CIB2: variants seen among roughly 807,000 people sequenced by gnomAD.
CIB2 encodes calcium and integrin-binding family member 2.
Under a neutral mutation model 23.1 loss-of-function variants are expected in CIB2, and 19 were observed. The ratio of observed to expected loss-of-function variants is 0.82; its 90% CI spans 0.57 to 1.21. The LOEUF (loss-of-function observed/expected upper bound fraction) is 1.21, where lower values mean the gene tolerates loss of function less well. Among genes scored for constraint, CIB2 ranks in the 50% most tolerant of loss-of-function variants. The pLI is 0.00. For synonymous variants in CIB2, 94 were observed against 91.7 expected, an observed-to-expected ratio of 1.03 and a Z score of -0.14; for missense variants, 220 against 241.5, an observed-to-expected ratio of 0.91 and a Z score of 0.59.
At chr15:78,119,137 TAA>T (rs77407973) in intron 2 of CIB2, among the ~76,000 whole-genome samples, 27 of 139,012 alleles carry the variant, frequency 1.9e-4, no homozygotes, top group Non-Finnish European at 1.3e-4. Flanking sequence ...ACACAGACTT[TAA>T]AAAAAAAAAA....
intron 2 of CIB2, among the ~76,000 whole-genome samples, chr15:78,116,600 A>T: frequency 6.6e-6 from 1 of 152,176 alleles, no homozygotes; most frequent in Non-Finnish European, 1.5e-5. Flanking sequence ...TATCCCCCAC[A>T]GATACTGAGA....
chr15:78,131,065 G>T lies in CIB2; in HGVS notation c.51+100C>A. The T allele has an allele frequency of 9.2e-7, 1 of 1,087,892 alleles. No homozygotes were observed. Among genetic ancestry groups the T allele is most frequent in the Non-Finnish European group, 1.3e-6 (1 of 768,894 alleles). The allele number at this position is 1,087,892 out of a possible 1,614,324, so 67.4% of individuals were successfully genotyped here. On this transcript the variant is annotated intron_variant, in intron 1 of 5. Transcript: ENST00000258930. The surrounding 1 kb of genome is among the most constrained non-coding windows in gnomAD (Gnocchi z 5.8). ...GAAGGCAGAGGCAGGGTTTGAACCT[G>T]GGAGAGCTGGCTCTCGGGAGGCCTC...
At chr15:78,123,582 G>A (rs565294490) in intron 2 of CIB2, 123 bp downstream of exon 2, 2 of 999,814 alleles carry the variant, frequency 2.0e-6, no homozygotes, top group Non-Finnish European at 3.2e-6. Context: ...CCTGAATGTG[G>A]CTCCTGATAC....
At position 78,104,969 on chromosome 15, in the gene CIB2, G is replaced by C. The variant is rs937722624; in HGVS notation, c.*342C>G. On this transcript the variant is annotated 3_prime_UTR_variant, in exon 6 of 6. Coordinates refer to ENST00000258930, the MANE Select transcript of CIB2 (RefSeq NM_006383.4). The surrounding 1 kb of genome is among the most constrained non-coding windows in gnomAD (Gnocchi z 4.4). ...TGTCTGCCAGCACTTGGACACGTCA[G>C]ACCCCACCACCTCCTGTTGGGTTAT... The C allele has an allele frequency of 5.8e-6, 2 of 345,166 alleles. No homozygotes were observed. The highest frequency in any genetic ancestry group is 1.1e-5 in the Non-Finnish European group (2 of 180,622). The allele number at this position is 345,166 out of a possible 1,614,324, so 21.4% of individuals were successfully genotyped here.
At position 78,105,339 on chromosome 15, in the gene CIB2, A is replaced by G; in HGVS notation, c.543-7T>C. On this transcript the variant is annotated splice_region_variant and splice_polypyrimidine_tract_variant and intron_variant, in intron 5 of 5. Coordinates refer to ENST00000258930, the MANE Select transcript of CIB2 (RefSeq NM_006383.4). Reference sequence around the variant, plus strand: ...GATCCGGATGTGGAAAGTGCTAGAAAGAGAGAAAGGGCAAGAGAGGGTGAG... The same window carrying G: ...GATCCGGATGTGGAAAGTGCTAGAAGGAGAGAAAGGGCAAGAGAGGGTGAG... 1.2e-6 allele frequency: 2 copies of G among 1,613,944 alleles called. No homozygotes were observed. The highest frequency in any genetic ancestry group is 1.7e-6 in the Non-Finnish European group (2 of 1,179,934).
intron 2 of CIB2, among the ~76,000 whole-genome samples, chr15:78,118,638 T>C (rs2074274851): frequency 6.6e-6 from 1 of 151,926 alleles, no homozygotes; most frequent in Admixed American, 6.6e-5. Flanking sequence ...ATTTACCATC[T>C]TAATTATTAG....
intron 4 of CIB2, among the ~76,000 whole-genome samples, chr15:78,106,170 C>T (rs563994401): frequency 1.3e-5 from 2 of 152,378 alleles, no homozygotes; most frequent in African/African-American, 4.8e-5. Flanking sequence ...GACTAAACCA[C>T]ATCCTGAAGC....
intron 1 of CIB2, among the ~76,000 whole-genome samples, chr15:78,124,465 C>T (rs1346782142): frequency 2.0e-5 from 3 of 152,044 alleles, no homozygotes; most frequent in Non-Finnish European, 4.4e-5. Context: ...AAACTCATCT[C>T]GGAGGGGTCC....
At chr15:78,117,111 G>A (rs1011661614) in intron 2 of CIB2, among the ~76,000 whole-genome samples, 1 of 151,674 alleles carries the variant, frequency 6.6e-6, no homozygotes, top group Non-Finnish European at 1.5e-5. Flanking sequence ...ACTTAATGCT[G>A]TAATGATGAC....
In CIB2 at chr15:78,105,822, A is replaced by G. The variant is rs2074060644; in HGVS notation, c.459T>C (p.Ile153=). The G allele has an allele frequency of 3.1e-6, 5 of 1,614,110 alleles. No homozygotes were observed. The East Asian group carries it at 1.1e-4, about 36-fold the overall frequency. Residue 153 remains isoleucine (I), a synonymous_variant, in exon 5 of 6, where the codon ATT becomes ATC. Transcript: ENST00000258930. Reference sequence around the variant, plus strand: ...CGTCACCGTCCAAGTCAGCCTCCTCAATGACCTTGTCGCACACAAGCACCA... The same window carrying G: ...CGTCACCGTCCAAGTCAGCCTCCTCGATGACCTTGTCGCACACAAGCACCA... ...EEVVLVCDKV[I]EEADLDGDGK... is the part of the protein sequence containing the mutation.
chr15:78,109,192 T>TTCC, intron 4 of CIB2, 43 bp downstream of exon 4: 2 of 1,241,542 alleles, frequency 1.6e-6, no homozygotes, highest in South Asian at 1.3e-5. Flanking sequence ...CCCCACATGT[T>TTCC]CCCCCACCGC....
chr15:78,119,760 T>C (rs932967403), intron 2 of CIB2, among the ~76,000 whole-genome samples: 4 of 151,332 alleles, frequency 2.6e-5, no homozygotes, highest in African/African-American at 7.3e-5. Flanking sequence ...TTCAGTAGAG[T>C]TGGGGTTTCA....
chr15:78,127,782 T>G (rs2074400540), intron 1 of CIB2, among the ~76,000 whole-genome samples: 1 of 152,140 alleles, frequency 6.6e-6, no homozygotes, highest in African/African-American at 2.4e-5. Context: ...CAGGGGACCA[T>G]CACACGGCTC....
intron 2 of CIB2, among the ~76,000 whole-genome samples, chr15:78,112,874 T>C (rs1351721524): frequency 1.3e-5 from 2 of 152,184 alleles, no homozygotes; most frequent in Non-Finnish European, 2.9e-5. Context: ...CTGCCTACTG[T>C]CCTTAGCAAG....
intron 2 of CIB2, among the ~76,000 whole-genome samples, chr15:78,117,282 T>A (rs148431598): frequency 0.049 from 3,109 of 62,890 alleles, 160 homozygotes; most frequent in African/African-American, 0.13. Flanking sequence ...AAAAGTTTGT[T>A]TAAAAGAATA....
intron 3 of CIB2, among the ~76,000 whole-genome samples, chr15:78,110,072 A>C (rs2074133330): frequency 1.3e-5 from 2 of 152,182 alleles, no homozygotes; most frequent in African/African-American, 2.4e-5. Flanking sequence ...AAGCAGCAAG[A>C]GCCATACAGC....
chr15:78,123,801 G>A (rs1291228867), intron 1 of CIB2, 62 bp from the exon 2 acceptor site: 14 of 1,584,408 alleles, frequency 8.8e-6, no homozygotes, highest in Non-Finnish European at 1.1e-5. Context: ...CTTCCTCAGA[G>A]GCCTCGATGC....
chr15:78,127,478 G>A (rs2074396817), intron 1 of CIB2, among the ~76,000 whole-genome samples: 1 of 152,120 alleles, frequency 6.6e-6, no homozygotes, highest in African/African-American at 2.4e-5. Context: ...GGACAGGCTG[G>A]GCTTTTACAG....
chr15:78,105,548 G>A, intron 5 of CIB2, 191 bp downstream of exon 5: 1 of 1,478,684 alleles, frequency 6.8e-7, no homozygotes, highest in South Asian at 1.4e-5. Flanking sequence ...GGGGCCCCCA[G>A]GTCTTCAACC....
Sources: allele counts gnomAD v4.1 joint callset (sites outside exome capture counted in the v4.1 genomes callset), GRCh38; gene constraint gnomAD v4.1.1; non-coding constraint Gnocchi (gnomAD v3.1); transcripts MANE v1.5; gene names NCBI Gene and HGNC (gene_info 2026-07-23, HGNC 2026-07-21).